The following PPP6R3 variants were observed in gnomAD, a reference collection of about 807,000 sequenced individuals.
PPP6R3 encodes the protein protein phosphatase 6 regulatory subunit 3, also known as serine/threonine-protein phosphatase 6 regulatory subunit 3.
PPP6R3 carries 38 observed loss-of-function variants against 110.7 expected under a neutral mutation model. The observed-to-expected ratio is 0.34, with a 90% CI of 0.26 to 0.45. The LOEUF is 0.45. Among genes scored for constraint, PPP6R3 ranks in the 20% least tolerant of loss-of-function variants. The pLI is 1.00. For missense variants in PPP6R3, 870 were observed against 1,062.4 expected (o/e 0.82, Z 2.52); for synonymous variants, 369 against 373.5 (o/e 0.99, Z 0.14).
intron 1 of PPP6R3, among the ~76,000 whole-genome samples, chr11:68,473,480 C>G (rs2098806831): frequency 6.6e-6 from 1 of 152,164 alleles, no homozygotes; most frequent in Non-Finnish European, 1.5e-5. Flanking sequence ...ACTTGTTTCC[C>G]TAAGTTCTGT....
chr11:68,565,552 A>G (rs2099459918), intron 9 of PPP6R3, among the ~76,000 whole-genome samples: 1 of 151,998 alleles, frequency 6.6e-6, no homozygotes, highest in South Asian at 2.1e-4. Flanking sequence ...AGAGAACATC[A>G]CAAGTGGAAG....
At chr11:68,587,000 AG>A (rs544895738) in intron 15 of PPP6R3, 58 of 152,366 alleles carry the variant, frequency 3.8e-4, no homozygotes, top group African/African-American at 1.4e-3. Context: ...ATCTGTATGC[AG>A]CTCTGGTCAC....
chr11:68,564,162 C>A (rs1383124356), intron 8 of PPP6R3, 141 bp from the exon 9 acceptor site: 4 of 829,728 alleles, frequency 4.8e-6, no homozygotes, highest in African/African-American at 1.7e-5. Flanking sequence ...CCCTCTTCTG[C>A]CTCATTATGC....
At chr11:68,523,134 T>C (rs1455547365) in intron 2 of PPP6R3, among the ~76,000 whole-genome samples, 2 of 152,270 alleles carry the variant, frequency 1.3e-5, no homozygotes, top group East Asian at 1.9e-4. Flanking sequence ...ATTAAAGGTA[T>C]GTATATTTTG....
intron 2 of PPP6R3, among the ~76,000 whole-genome samples, chr11:68,523,699 GC>G (rs1184888468): frequency 2.1e-5 from 1 of 48,266 alleles, no homozygotes; most frequent in Non-Finnish European, 3.5e-5. Context: ...TCCTACCCAT[GC>G]CCCCCTGCCC....
At chr11:68,466,631 G>C (rs942731821) in intron 1 of PPP6R3, among the ~76,000 whole-genome samples, 4 of 151,480 alleles carry the variant, frequency 2.6e-5, no homozygotes, top group Admixed American at 6.6e-5. Context: ...TATTTATTTT[G>C]AGACGGAGTC....
At chr11:68,464,617 A>T (rs892507786) in intron 1 of PPP6R3, among the ~76,000 whole-genome samples, 4 of 152,186 alleles carry the variant, frequency 2.6e-5, no homozygotes, top group African/African-American at 9.6e-5. Flanking sequence ...GATTATTTAG[A>T]TGGTATACTT....
Position 68,591,683 on chromosome 11 carries a change from A to G in PPP6R3, c.1893A>G (p.Thr631=). The G allele has an allele frequency of 6.2e-7, 1 of 1,612,562 alleles. No homozygotes were observed. The highest frequency in any genetic ancestry group is 8.5e-7 in the Non-Finnish European group (1 of 1,179,450). ...GGGAGGAAAAGCACATCGCATTCAC[A>G]CCAGAATCCCAAAGACGATCCAGGT... is the stretch of plus-strand genomic sequence containing the variant. ...DIWEEKHIAF[T]PESQRRSSSG... is the part of the protein sequence containing the mutation. Residue 631 remains threonine (T), a synonymous_variant, in exon 18 of 24, where the codon ACA becomes ACG. Coordinates refer to ENST00000393800, the MANE Select transcript of PPP6R3 (RefSeq NM_001164161.2).
At chr11:68,518,340 TTATGTAG>T (rs1479986883) in intron 1 of PPP6R3, among the ~76,000 whole-genome samples, 1 of 152,172 alleles carries the variant, frequency 6.6e-6, no homozygotes, top group Non-Finnish European at 1.5e-5. Flanking sequence ...AAAGCTTCAT[TTATGTAG>T]TACTACTGCC....
chr11:68,489,313 C>G (rs1045514873), intron 1 of PPP6R3, among the ~76,000 whole-genome samples: 1 of 152,118 alleles, frequency 6.6e-6, no homozygotes, highest in Non-Finnish European at 1.5e-5. Flanking sequence ...GTCACATACA[C>G]TTTTTCTGCC....
At chr11:68,466,097 G>A (rs745910919) in intron 1 of PPP6R3, among the ~76,000 whole-genome samples, 10 of 152,082 alleles carry the variant, frequency 6.6e-5, no homozygotes, top group Non-Finnish European at 1.0e-4. Context: ...AAATGTTTCC[G>A]GCATTCTTGA....
Position 68,546,178 on chromosome 11 carries a change from G to T in PPP6R3, c.414+1154G>T, listed in dbSNP as rs572443242. Among the ~76,000 whole-genome samples, 5 of 152,282 alleles carry T rather than the reference G, an allele frequency of 3.3e-5. No homozygotes were observed. In the South Asian group the frequency reaches 1.0e-3, roughly 32 times the overall value. On this transcript the variant is annotated intron_variant, in intron 4 of 23. Transcript: ENST00000393800. ...TGGAAATGAGATTCTTTTCACTTTG[G>T]TAATAATCCCCAAATCATGATTAAT...
intron 1 of PPP6R3, among the ~76,000 whole-genome samples, chr11:68,510,216 T>C (rs2099101966): frequency 6.6e-6 from 1 of 151,926 alleles, no homozygotes; most frequent in African/African-American, 2.4e-5. Context: ...GCCTATTTTA[T>C]TTTATAGATG....
intron 1 of PPP6R3, among the ~76,000 whole-genome samples, chr11:68,464,350 T>TG (rs2098730691): frequency 6.6e-6 from 1 of 152,082 alleles, no homozygotes; most frequent in African/African-American, 2.4e-5. Flanking sequence ...AGGGTGGTCT[T>TG]GAACTCCTGA....
chr11:68,464,007 T>C (rs2098727391), intron 1 of PPP6R3, among the ~76,000 whole-genome samples: 1 of 152,206 alleles, frequency 6.6e-6, no homozygotes. Context: ...ACTGCTGAGG[T>C]TGAGAAATCC....
In PPP6R3 at chr11:68,475,911, C is replaced by T. The variant is rs371296715; in HGVS notation, c.-158+15084C>T. ...CTCCACATCTCAGACGATGGGCGGC[C>T]GGGCAGAGACGCTCCTCACTTCCTA... is the stretch of plus-strand genomic sequence containing the variant. On this transcript the variant is annotated intron_variant, in intron 1 of 23. Coordinates refer to ENST00000393800, the MANE Select transcript of PPP6R3 (RefSeq NM_001164161.2). 3.0e-3 allele frequency among the ~76,000 whole-genome samples: 454 copies of T among 151,620 alleles called. 3 individuals are homozygous for T. The highest frequency in any genetic ancestry group is 0.01 in the Middle Eastern group (3 of 292).
intron 5 of PPP6R3, among the ~76,000 whole-genome samples, chr11:68,549,818 T>C (rs1035380192): frequency 6.6e-6 from 1 of 152,132 alleles, no homozygotes; most frequent in Non-Finnish European, 1.5e-5. Context: ...AAGGTGTAGG[T>C]TGGGGAAAGG....
Position 68,537,788 on chromosome 11 carries a change from C to G in PPP6R3, c.124C>G (p.Arg42Gly), listed in dbSNP as rs753889005. ...DVLQECKAQNRKLIEFLLKAE... is the reference protein window; with the variant it reads ...DVLQECKAQNGKLIEFLLKAE... ...TTTACAGGAATGTAAAGCTCAGAACCGCAAACTTATAGAGTTTCTGTTAAA... is the reference window on the plus strand; with the variant it reads ...TTTACAGGAATGTAAAGCTCAGAACGGCAAACTTATAGAGTTTCTGTTAAA... Residue 42 changes from arginine (R) to glycine (G), a missense_variant, in exon 3 of 24, where the codon CGC (arginine) becomes GGC (glycine). Arg to Gly is a moderately radical substitution (Grantham distance 125, BLOSUM62 -2). Transcript: ENST00000393800. 1 of 1,613,884 alleles carries G rather than the reference C, an allele frequency of 6.2e-7. No homozygotes were observed. The highest frequency in any genetic ancestry group is 8.5e-7 in the Non-Finnish European group (1 of 1,179,830).
At chr11:68,501,110 G>A (rs148417247) in intron 1 of PPP6R3, among the ~76,000 whole-genome samples, 265 of 152,226 alleles carry the variant, frequency 1.7e-3, no homozygotes, top group Admixed American at 2.7e-3. Context: ...TTTTCTCCTC[G>A]TGCTGTCTGC....
Sources: allele counts gnomAD v4.1 joint callset (sites outside exome capture counted in the v4.1 genomes callset), GRCh38; gene constraint gnomAD v4.1.1; transcripts MANE v1.5; gene names NCBI Gene and HGNC (gene_info 2026-07-23, HGNC 2026-07-21).